Variants in CDH23 observed in about 807,000 individuals in gnomAD.
CDH23 encodes the protein cadherin-23.
Under a neutral mutation model 317.1 loss-of-function variants are expected in CDH23, and 189 were observed. The observed-to-expected ratio is 0.60, with a 90% confidence interval of 0.53 to 0.67. CDH23 has a LOEUF of 0.67. CDH23 is among the 30% of genes least tolerant of loss of function. CDH23 has a pLI of 0.00. For missense variants in CDH23, 4,401 were observed against 4,592.4 expected (o/e 0.96, Z 1.20); for synonymous variants, 1,839 against 1,876.8 (o/e 0.98, Z 0.52).
intron 9 of CDH23, among the ~76,000 whole-genome samples, chr10:71,600,411 T>C (rs1302138614): frequency 6.6e-6 from 1 of 152,138 alleles, no homozygotes; most frequent in Non-Finnish European, 1.5e-5. Context: ...CACAATTTCC[T>C]TGTGCTGGCA....
chr10:71,806,317 C>A, intron 57 of CDH23, 36 bp downstream of exon 57: 2 of 1,394,820 alleles, frequency 1.4e-6, no homozygotes, highest in Non-Finnish European at 2.0e-6. Context: ...GTCACACCCA[C>A]ACAGGGACTC....
intron 12 of CDH23, among the ~76,000 whole-genome samples, chr10:71,644,301 G>A (rs1471613228): frequency 6.6e-6 from 1 of 152,256 alleles, no homozygotes; most frequent in Non-Finnish European, 1.5e-5. Flanking sequence ...CCAAACCTCT[G>A]TGCCAGTAAC....
intron 1 of CDH23, among the ~76,000 whole-genome samples, chr10:71,431,565 TCAC>T (rs1475229371): frequency 6.6e-6 from 1 of 152,252 alleles, no homozygotes; most frequent in Non-Finnish European, 1.5e-5. Flanking sequence ...TGGTGAATAA[TCAC>T]CAAATTGTAT....
chr10:71,543,598 T>C (rs1167860561), intron 6 of CDH23, among the ~76,000 whole-genome samples: 26 of 152,348 alleles, frequency 1.7e-4, no homozygotes, highest in Non-Finnish European at 1.0e-4. Context: ...TTTTTTTCCA[T>C]CAGCAATCTG....
At chr10:71,697,755 T>C (rs1037578282) in intron 22 of CDH23, among the ~76,000 whole-genome samples, 8 of 151,886 alleles carry the variant, frequency 5.3e-5, no homozygotes, top group African/African-American at 1.9e-4. Flanking sequence ...GGTTCCCATC[T>C]CACCCTGTGC....
At chr10:71,501,365 C>T (rs776861458) in intron 3 of CDH23, among the ~76,000 whole-genome samples, 27 of 152,290 alleles carry the variant, frequency 1.8e-4, no homozygotes, top group Middle Eastern at 3.4e-3. Flanking sequence ...GACGGAGTTG[C>T]AGGAGAGCAC....
rs775389715 is a variant in CDH23, at chr10:71,646,508, A to G, written c.1340A>G (p.Lys447Arg). The G allele has an allele frequency of 9.3e-6, 15 of 1,613,808 alleles. No homozygotes were observed. Among genetic ancestry groups the G allele is most frequent in the Non-Finnish European group, 1.3e-5 (15 of 1,179,876 alleles). ...VPDHVGYAKV[K>R]ITLINENDNR... The stretch of plus-strand genomic sequence containing the variant: ...GACCATGTGGGCTATGCCAAGGTGA[A>G]GATCACTCTCATCAATGAAAATGAC... The change falls in exon 14 of 70, where the codon AAG (lysine) becomes AGG (arginine). Residue 447 changes from lysine (K) to arginine (R), a missense_variant. Lys to Arg is a conservative substitution (Grantham distance 26, BLOSUM62 2). Around this residue, in one of 3 missense-constraint regions of CDH23, gnomAD observed 3,068 missense variants for 3,203.3 expected, o/e 0.96. Coordinates refer to ENST00000224721, the MANE Select transcript of CDH23 (RefSeq NM_022124.6).
chr10:71,587,525 C>T (rs1022937157), intron 9 of CDH23, among the ~76,000 whole-genome samples: 12 of 152,158 alleles, frequency 7.9e-5, no homozygotes, highest in Non-Finnish European at 1.6e-4. Flanking sequence ...AGTGTTTCCC[C>T]GCTGTGTTAA....
Position 71,679,413 on chromosome 10 carries a change from C to T in CDH23, c.1779C>T (p.Asn593=), listed in dbSNP as rs1349173263. ...LRATDEDSPP[N]NQITYSIVSA... Reference sequence around the variant, plus strand: ...CAACAGATGAAGACTCCCCTCCCAACAACCAGATCACCTACAGCATTGTCA... The same window carrying T: ...CAACAGATGAAGACTCCCCTCCCAATAACCAGATCACCTACAGCATTGTCA... The change falls in exon 17 of 70, where the codon AAC becomes AAT. Residue 593 remains asparagine (N), a synonymous_variant. Transcript: ENST00000224721. 4 of 1,612,064 alleles carry T rather than the reference C, an allele frequency of 2.5e-6. No homozygotes were observed. The East Asian group carries it at 8.9e-5, about 36-fold the overall frequency.
In CDH23 at chr10:71,810,504, T is replaced by C; in HGVS notation, c.9012T>C (p.Phe3004=). 6.2e-7 allele frequency: 1 copy of C among 1,613,988 alleles called. No homozygotes were observed. The highest frequency in any genetic ancestry group is 8.5e-7 in the Non-Finnish European group (1 of 1,179,854). The change falls in exon 62 of 70, where the codon TTT becomes TTC. Residue 3004 remains phenylalanine, a synonymous_variant. Coordinates refer to ENST00000224721, the MANE Select transcript of CDH23 (RefSeq NM_022124.6). ...FHVDKKGRVN[F]AQTELLIHVV... ...TGGACAAGAAGGGCCGGGTGAACTT[T>C]GCGCAGACAGAACTGCTTATCCACG... is the stretch of plus-strand genomic sequence containing the variant.
At chr10:71,467,549 C>T (rs765488599) in intron 3 of CDH23, among the ~76,000 whole-genome samples, 2 of 152,158 alleles carry the variant, frequency 1.3e-5, no homozygotes, top group Non-Finnish European at 2.9e-5. Flanking sequence ...GGAGGCAGTG[C>T]GCCATAGTGG....
intron 56 of CDH23, 85 bp from the exon 57 acceptor site, chr10:71,806,083 T>A: frequency 6.5e-7 from 1 of 1,532,500 alleles, no homozygotes; most frequent in Non-Finnish European, 8.8e-7. Flanking sequence ...TCCTGGAAAG[T>A]CCCTAGGGGA....
chr10:71,451,315 C>T (rs1263750645), intron 3 of CDH23, among the ~76,000 whole-genome samples: 1 of 152,208 alleles, frequency 6.6e-6, no homozygotes, highest in African/African-American at 2.4e-5. Flanking sequence ...CCCTGCCCAG[C>T]CTGAGGCAGA....
At chr10:71,515,390 T>TCA (rs776815563) in intron 6 of CDH23, among the ~76,000 whole-genome samples, 7 of 58,664 alleles carry the variant, frequency 1.2e-4, no homozygotes, top group African/African-American at 5.9e-4. Flanking sequence ...TCTCTCTCTC[T>TCA]CTCTCACACA....
chr10:71,734,175 G>T, intron 32 of CDH23, 65 bp from the exon 33 acceptor site: 6 of 1,342,476 alleles, frequency 4.5e-6, no homozygotes, highest in Non-Finnish European at 6.3e-6. Flanking sequence ...GGAAAAGTGG[G>T]CAGAATGACC....
intron 38 of CDH23, among the ~76,000 whole-genome samples, chr10:71,746,184 G>T (rs1839849720): frequency 6.6e-6 from 1 of 152,248 alleles, no homozygotes; most frequent in African/African-American, 2.4e-5. Flanking sequence ...AGTGCTAGGA[G>T]CCTGGAAGCC....
chr10:71,736,723 G>C (rs539372905), intron 34 of CDH23, among the ~76,000 whole-genome samples: 1 of 152,322 alleles, frequency 6.6e-6, no homozygotes, highest in South Asian at 2.1e-4. Flanking sequence ...CACCTGCTGT[G>C]TCCCAGGCAC....
Position 71,619,526 on chromosome 10 carries a change from A to G in CDH23, c.1134+2133A>G, listed in dbSNP as rs546340517. ...AAAGTCCCATCTGTGGTTTCAGGAG[A>G]ACCATAATGCCCAAGAGAAGAGAAA... On this transcript the variant is annotated intron_variant, in intron 11 of 69. Transcript: ENST00000224721. Among the ~76,000 whole-genome samples the G allele has an allele frequency of 5.8e-4, 89 of 152,220 alleles. 3 individuals are homozygous for G. The South Asian group carries it at 0.018, about 31-fold the overall frequency.
intron 1 of CDH23, among the ~76,000 whole-genome samples, chr10:71,437,400 C>T (rs1435220074): frequency 6.6e-6 from 1 of 152,120 alleles, no homozygotes; most frequent in Non-Finnish European, 1.5e-5. Flanking sequence ...GATGAAATCT[C>T]CATTAGGAAA....
Sources: allele counts gnomAD v4.1 joint callset (sites outside exome capture counted in the v4.1 genomes callset), GRCh38; gene constraint gnomAD v4.1.1; regional missense constraint gnomAD v4.1.1; transcripts MANE v1.5; gene names NCBI Gene and HGNC (gene_info 2026-07-23, HGNC 2026-07-21).